The following CLHC1 variants were observed in gnomAD, a reference collection of about 807,000 sequenced individuals.
The protein encoded by CLHC1 is clathrin heavy chain linker domain containing 1, also known as clathrin heavy chain linker domain-containing protein 1.
In CLHC1, 72 loss-of-function variants were observed where a neutral mutation model predicts 69.5. That is an observed-to-expected ratio of 1.04 (90% CI 0.86 to 1.26). CLHC1 has a LOEUF of 1.26. Ranked by LOEUF, CLHC1 falls within the 50% of genes most tolerant of loss-of-function variation. The probability of loss-of-function intolerance (pLI) is 0.00; values close to 1 mark genes in which losing one functional copy is unlikely to be tolerated. For synonymous variants in CLHC1, 223 were observed against 224.3 expected (o/e 0.99, Z 0.05); for missense variants, 790 against 679.3 (o/e 1.16, Z -1.81).
chr2:55,209,540 A>C (rs1672778368), intron 6 of CLHC1, 24 bp from the exon 7 acceptor site: 1 of 1,580,912 alleles, frequency 6.3e-7, no homozygotes, highest in Non-Finnish European at 8.7e-7. Flanking sequence ...AAACGTCAAT[A>C]ACACACTGAG....
In CLHC1 at chr2:55,224,442, A is replaced by G. The variant is rs2104099638; in HGVS notation, c.-82-1949T>C. 9.5e-6 allele frequency: 4 copies of G among 421,240 alleles called. 1 individual carries two copies. The highest frequency in any genetic ancestry group is 7.5e-5 in the South Asian group (4 of 53,010). 26.1% of individuals were successfully genotyped at this position (421,240 alleles called of 1,614,324 possible). ...ACAAAGGATCCCTTCACCTCCGACA[A>G]TGTCAGATTCCTGGTCCTTAGCTGG... is the stretch of plus-strand genomic sequence containing the variant. On this transcript the variant is annotated intron_variant, in intron 2 of 12. Transcript: ENST00000401408.
chr2:55,193,890 A>T (rs1005052631), intron 9 of CLHC1, among the ~76,000 whole-genome samples: 6 of 152,242 alleles, frequency 3.9e-5, no homozygotes, highest in Non-Finnish European at 8.8e-5. Flanking sequence ...TCAACTGATG[A>T]ATGTATAGAC....
rs561135962 is a variant in CLHC1, at chr2:55,221,914, C to T, written c.177+321G>A. Among the ~76,000 whole-genome samples, 8 of 152,284 alleles carry T rather than the reference C, an allele frequency of 5.3e-5. 1 individual carries two copies. The South Asian group carries it at 1.7e-3, about 32-fold the overall frequency. The stretch of plus-strand genomic sequence containing the variant: ...ATAACTTGAACCCAGGAGTTTGAGG[C>T]TGCAGTGAGATATGAGTGTGCCACT... On this transcript the variant is annotated intron_variant, in intron 3 of 12. Coordinates refer to ENST00000401408, the MANE Select transcript of CLHC1 (RefSeq NM_152385.4).
chr2:55,210,642 G>A (rs1022188982), intron 5 of CLHC1, among the ~76,000 whole-genome samples: 6 of 152,190 alleles, frequency 3.9e-5, no homozygotes, highest in Middle Eastern at 3.4e-3. Context: ...GTAACGCCAC[G>A]AGCTTCTGCC....
intron 9 of CLHC1, among the ~76,000 whole-genome samples, chr2:55,184,859 C>A (rs1426975176): frequency 6.7e-6 from 1 of 149,490 alleles, no homozygotes; most frequent in Non-Finnish European, 1.5e-5. Context: ...GAGCTGAGAT[C>A]GTGCCACTGC....
In CLHC1 at chr2:55,181,624, C is replaced by T. The variant is rs1669941233; in HGVS notation, c.1127G>A (p.Cys376Tyr). 2 of 1,613,586 alleles carry T rather than the reference C, an allele frequency of 1.2e-6. No homozygotes were observed. Among genetic ancestry groups the T allele is most frequent in the Non-Finnish European group, 1.7e-6 (2 of 1,179,844 alleles). ...ATCTAACCGTTTTTCTGATAATCCA[C>T]ATTTGATTCCTTCCAGGGTTAGAGC... ...DAALTLEGIK[C>Y]GLSEKRLDLV... is the part of the protein sequence containing the mutation. The change falls in exon 10 of 13, where the codon TGT becomes TAT. Residue 376 changes from cysteine to tyrosine, a missense_variant. Physicochemically the swap from Cys to Tyr is radical, Grantham distance 194. Transcript: ENST00000401408.
chr2:55,172,907 T>C lies in CLHC1; in HGVS notation c.*2883A>G, dbSNP rs1447948913. Among the ~76,000 whole-genome samples the C allele has an allele frequency of 6.6e-6, 1 of 152,236 alleles. No individual in the cohort carries two copies. Among genetic ancestry groups the C allele is most frequent in the African/African-American group, 2.4e-5 (1 of 41,472 alleles). ...AATTTTTTTCATTAGACTAGACTTC[T>C]GTTCAACATCTCTAAACCTTTCCAA... On this transcript the variant is annotated 3_prime_UTR_variant, in exon 13 of 13. Transcript: ENST00000401408.
intron 9 of CLHC1, among the ~76,000 whole-genome samples, chr2:55,198,931 C>T (rs910570212): frequency 2.0e-5 from 3 of 151,996 alleles, no homozygotes; most frequent in African/African-American, 4.8e-5. Flanking sequence ...CCTTCAAACA[C>T]GAAGGAGAAA....
Position 55,174,080 on chromosome 2 carries a change from C to G in CLHC1, c.*1710G>C, listed in dbSNP as rs977639146. ...AACCAGTGCTGCCGAAATACCTCTCCCTTTCCATTCCTTTTTTCCATCCTT... is the reference window on the plus strand; with the variant it reads ...AACCAGTGCTGCCGAAATACCTCTCGCTTTCCATTCCTTTTTTCCATCCTT... On this transcript the variant is annotated 3_prime_UTR_variant, in exon 13 of 13. Coordinates refer to ENST00000401408, the MANE Select transcript of CLHC1 (RefSeq NM_152385.4). Among the ~76,000 whole-genome samples the G allele has an allele frequency of 3.3e-5, 5 of 151,916 alleles. No homozygotes were observed. The highest frequency in any genetic ancestry group is 7.4e-5 in the Non-Finnish European group (5 of 68,012).
intron 11 of CLHC1, among the ~76,000 whole-genome samples, chr2:55,179,054 G>C (rs1308773064): frequency 1.5e-5 from 2 of 129,698 alleles, no homozygotes. Flanking sequence ...TCAGCCTCCT[G>C]AGTGGCTGGG....
intron 9 of CLHC1, among the ~76,000 whole-genome samples, chr2:55,183,588 T>G (rs1670125998): frequency 6.6e-6 from 1 of 152,210 alleles, no homozygotes; most frequent in South Asian, 2.1e-4. Flanking sequence ...ATATAATACC[T>G]ATTTTTTATT....
At chr2:55,193,884 C>T (rs896080934) in intron 9 of CLHC1, among the ~76,000 whole-genome samples, 5 of 152,154 alleles carry the variant, frequency 3.3e-5, no homozygotes, top group Non-Finnish European at 7.3e-5. Context: ...TGACCATCAA[C>T]TGATGAATGT....
chr2:55,187,612 CA>C (rs979812418), intron 9 of CLHC1, among the ~76,000 whole-genome samples: 79 of 143,046 alleles, frequency 5.5e-4, no homozygotes, highest in African/African-American at 1.4e-3. Flanking sequence ...AAGACTGTCT[CA>C]AAAAAAAAAA....
At chr2:55,205,113 A>C (rs1672312833) in intron 9 of CLHC1, among the ~76,000 whole-genome samples, 1 of 152,160 alleles carries the variant, frequency 6.6e-6, no homozygotes, top group Non-Finnish European at 1.5e-5. Context: ...GTCAAAAGGC[A>C]ACAGATGTTG....
chr2:55,209,033 G>C (rs1231918347), intron 7 of CLHC1, among the ~76,000 whole-genome samples: 3 of 151,902 alleles, frequency 2.0e-5, no homozygotes, highest in Non-Finnish European at 4.4e-5. Flanking sequence ...ACCACACCCG[G>C]CTAATTTTTT....
intron 2 of CLHC1, chr2:55,224,407 A>G: frequency 2.3e-6 from 1 of 432,208 alleles, no homozygotes; most frequent in South Asian, 1.8e-5. Flanking sequence ...TCCTGGAGGA[A>G]AGCTATGTCA....
At chr2:55,212,647 C>G in intron 5 of CLHC1, 26 bp downstream of exon 5, 2 of 1,558,942 alleles carry the variant, frequency 1.3e-6, no homozygotes, top group East Asian at 2.2e-5. Context: ...GGATTTCTCT[C>G]AAATATTTTA....
chr2:55,223,200 G>C (rs1351388361), intron 2 of CLHC1, among the ~76,000 whole-genome samples: 1 of 151,998 alleles, frequency 6.6e-6, no homozygotes, highest in Non-Finnish European at 1.5e-5. Flanking sequence ...GCGCTTATCT[G>C]GCCTAGCTTC....
intron 5 of CLHC1, among the ~76,000 whole-genome samples, chr2:55,211,957 G>A (rs1170027490): frequency 1.3e-5 from 2 of 152,138 alleles, no homozygotes; most frequent in South Asian, 2.1e-4. Context: ...TATACCAGTC[G>A]TTCTCAAACT....
Sources: allele counts gnomAD v4.1 joint callset (sites outside exome capture counted in the v4.1 genomes callset), GRCh38; gene constraint gnomAD v4.1.1; transcripts MANE v1.5; gene names NCBI Gene and HGNC (gene_info 2026-07-23, HGNC 2026-07-21).